Variants in DHRSX observed in about 807,000 individuals in gnomAD.
The protein encoded by DHRSX is polyprenol dehydrogenase.
Under a neutral mutation model 34.0 loss-of-function variants are expected in DHRSX, and 31 were observed. The ratio of observed to expected loss-of-function variants is 0.91; its 90% CI spans 0.69 to 1.23. The LOEUF (loss-of-function observed/expected upper bound fraction) is 1.23, where lower values mean the gene tolerates loss of function less well. DHRSX is among the 50% of genes most tolerant of loss of function. DHRSX has a pLI of 0.00. For synonymous variants in DHRSX, 201 were observed against 183.8 expected (o/e 1.09, Z -0.76); for missense variants, 414 against 428.1 (o/e 0.97, Z 0.29).
chrX:2,272,294 C>T (rs1050782570), intron 4 of DHRSX, among the ~76,000 whole-genome samples: 3 of 152,054 alleles, frequency 2.0e-5, no homozygotes, highest in Non-Finnish European at 4.4e-5. Context: ...CAGCTCAATC[C>T]GTGCCTGAAG....
At chrX:2,320,297 T>C (rs1400395636) in intron 3 of DHRSX, among the ~76,000 whole-genome samples, 2 of 115,280 alleles carry the variant, frequency 1.7e-5, no homozygotes, top group Admixed American at 9.1e-5. Context: ...ACTTTTCTTT[T>C]CTTTTTTTTT....
At chrX:2,271,752 A>C (rs2041557991) in intron 4 of DHRSX, among the ~76,000 whole-genome samples, 1 of 152,140 alleles carries the variant, frequency 6.6e-6, no homozygotes, top group Non-Finnish European at 1.5e-5. Context: ...GTTATCCAGA[A>C]AAAAAGCCCG....
intron 3 of DHRSX, among the ~76,000 whole-genome samples, chrX:2,377,810 C>T (rs1188244002): frequency 1.3e-5 from 2 of 151,276 alleles, no homozygotes; most frequent in African/African-American, 4.9e-5. Flanking sequence ...ATGATCTCAG[C>T]TCACTGCAAC....
intron 3 of DHRSX, among the ~76,000 whole-genome samples, chrX:2,311,797 G>T (rs1422942040): frequency 6.6e-6 from 1 of 152,084 alleles, no homozygotes; most frequent in Non-Finnish European, 1.5e-5. Context: ...GTAAACTTCA[G>T]GGTAGCTTGG....
At chrX:2,477,254 GTGTCCACTGCAAAGCTCCATGGC>G (rs1236813089) in intron 1 of DHRSX, among the ~76,000 whole-genome samples, 9 of 152,148 alleles carry the variant, frequency 5.9e-5, no homozygotes, top group African/African-American at 1.9e-4. Flanking sequence ...CCACGACTTA[GTGTCCACTGCAAAGCTCCATGGC>G]ACCTAGCTCT....
intron 3 of DHRSX, among the ~76,000 whole-genome samples, chrX:2,398,591 G>A (rs1306635876): frequency 3.3e-5 from 5 of 151,798 alleles, no homozygotes; most frequent in African/African-American, 9.7e-5. Context: ...ATGGAAAGGC[G>A]CTTTTGCTCT....
chrX:2,449,236 C>G (rs1327912653), intron 1 of DHRSX, among the ~76,000 whole-genome samples: 1 of 151,644 alleles, frequency 6.6e-6, no homozygotes, highest in East Asian at 1.9e-4. Flanking sequence ...CCAGAAGAGA[C>G]GACCTTCAAA....
At chrX:2,342,547 C>T (rs1161159173) in intron 3 of DHRSX, among the ~76,000 whole-genome samples, 2 of 152,120 alleles carry the variant, frequency 1.3e-5, no homozygotes, top group Non-Finnish European at 1.5e-5. Context: ...TAAAAATAGC[C>T]CACCATGTCA....
At chrX:2,224,416 T>C (rs1236920746) in intron 6 of DHRSX, among the ~76,000 whole-genome samples, 6 of 152,180 alleles carry the variant, frequency 3.9e-5, no homozygotes, top group Non-Finnish European at 1.5e-5. Context: ...GTTCTTGGGC[T>C]ATGCATATTC....
chrX:2,249,025 A>C (rs1310658812), intron 5 of DHRSX, among the ~76,000 whole-genome samples: 1 of 152,092 alleles, frequency 6.6e-6, no homozygotes, highest in Non-Finnish European at 1.5e-5. Context: ...GCAAAATCAG[A>C]GGGAATGACC....
At chrX:2,311,410 C>T (rs1300941724) in intron 3 of DHRSX, among the ~76,000 whole-genome samples, 1 of 152,104 alleles carries the variant, frequency 6.6e-6, no homozygotes, top group Non-Finnish European at 1.5e-5. Flanking sequence ...AACAATGCTC[C>T]TCGGATACAC....
chrX:2,496,564 T>C (rs143684952), intron 1 of DHRSX, among the ~76,000 whole-genome samples: 6,488 of 151,996 alleles, frequency 0.043, 172 homozygotes, highest in Middle Eastern at 0.12. Flanking sequence ...TGCACCAGAA[T>C]CTCACAAATC....
intron 3 of DHRSX, among the ~76,000 whole-genome samples, chrX:2,356,422 G>C (rs1325440111): frequency 6.6e-6 from 1 of 152,092 alleles, no homozygotes; most frequent in Non-Finnish European, 1.5e-5. Context: ...GGGGTGCAGA[G>C]GGCAGGCTTG....
intron 3 of DHRSX, among the ~76,000 whole-genome samples, chrX:2,373,086 G>A (rs543867931): frequency 1.3e-5 from 2 of 152,196 alleles, no homozygotes; most frequent in Non-Finnish European, 1.5e-5. Flanking sequence ...GACGGAAGAC[G>A]AAAACCATAT....
intron 3 of DHRSX, among the ~76,000 whole-genome samples, chrX:2,407,786 G>C (rs7049766): frequency 0.015 from 2,283 of 152,206 alleles, 66 homozygotes; most frequent in African/African-American, 0.052. Context: ...AGGGTGGGAG[G>C]TGGAAGAGGA....
chrX:2,348,692 AT>A (rs71309486), intron 3 of DHRSX, among the ~76,000 whole-genome samples: 37,942 of 146,142 alleles, frequency 0.26, 5,491 homozygotes, highest in African/African-American at 0.39. Flanking sequence ...TCTTATTTTT[AT>A]TTTTTTTTTT....
chrX:2,408,876 C>T, intron 2 of DHRSX, 63 bp from the exon 3 acceptor site: 1 of 1,068,434 alleles, frequency 9.4e-7, no homozygotes, highest in South Asian at 1.6e-5. Flanking sequence ...CTATTAACTG[C>T]AAAAAAAAAA....
chrX:2,233,071 GAAAGAAAGAAA>G (rs2015934291), intron 6 of DHRSX, among the ~76,000 whole-genome samples: 1 of 6,602 alleles, frequency 1.5e-4, no homozygotes, highest in African/African-American at 4.6e-4. Context: ...AAGAAAGAAA[GAAAGAAAGAAA>G]GAAATATGCC....
At chrX:2,360,481 G>A (rs1305431490) in intron 3 of DHRSX, among the ~76,000 whole-genome samples, 2 of 152,152 alleles carry the variant, frequency 1.3e-5, no homozygotes, top group East Asian at 1.9e-4. Flanking sequence ...TACTTGGGAG[G>A]CTGAGGCAGG....
Sources: gnomAD v4.1 joint callset for allele counts (sites outside exome capture counted in the v4.1 genomes callset) on GRCh38, gnomAD v4.1.1 for gene constraint, MANE v1.5 for transcripts, NCBI Gene and HGNC (gene_info 2026-07-23, HGNC 2026-07-21) for gene names.